AIG1: variants seen among roughly 807,000 people sequenced by gnomAD.
AIG1 encodes androgen-induced gene 1 protein.
Under a neutral mutation model 31.4 loss-of-function variants are expected in AIG1, and 23 were observed. The observed-to-expected ratio is 0.73, with a 90% CI of 0.53 to 1.04. AIG1 has a LOEUF of 1.04. AIG1 is among the 50% of genes least tolerant of loss of function. The pLI, the probability that AIG1 is intolerant of heterozygous loss-of-function variation, is 0.00. For synonymous variants in AIG1, 100 were observed against 110.5 expected, an observed-to-expected ratio of 0.90 and a Z score of 0.60; for missense variants, 274 against 295.0, an observed-to-expected ratio of 0.93 and a Z score of 0.52.
intron 1 of AIG1, among the ~76,000 whole-genome samples, chr6:143,097,121 A>G (rs1366298890): frequency 6.6e-6 from 1 of 152,122 alleles, no homozygotes; most frequent in Non-Finnish European, 1.5e-5. Flanking sequence ...TAGCCCTGTA[A>G]CAGCAGACTT....
intron 1 of AIG1, among the ~76,000 whole-genome samples, chr6:143,122,708 A>T (rs1165508981): frequency 6.6e-6 from 1 of 152,110 alleles, no homozygotes; most frequent in East Asian, 1.9e-4. Flanking sequence ...CCTCAAATCC[A>T]CTGAGTTTTA....
chr6:143,182,819 T>C (rs1194489727), intron 3 of AIG1, among the ~76,000 whole-genome samples: 1 of 152,254 alleles, frequency 6.6e-6, no homozygotes, highest in African/African-American at 2.4e-5. Context: ...ATCATCCTTA[T>C]CAATATATGT....
At chr6:143,148,819 CAA>C (rs751168065) in intron 2 of AIG1, among the ~76,000 whole-genome samples, 5 of 138,144 alleles carry the variant, frequency 3.6e-5, no homozygotes, top group South Asian at 2.3e-4. Flanking sequence ...ACTATGTCTC[CAA>C]AAAAAAAAAG....
chr6:143,229,283 A>G (rs2128630357), intron 3 of AIG1, among the ~76,000 whole-genome samples: 1 of 152,380 alleles, frequency 6.6e-6, no homozygotes, highest in Non-Finnish European at 1.5e-5. Context: ...ACACTACCTT[A>G]GTGTGTAATT....
chr6:143,199,287 G>T (rs28525292), intron 3 of AIG1, among the ~76,000 whole-genome samples: 1 of 152,038 alleles, frequency 6.6e-6, no homozygotes, highest in South Asian at 2.1e-4. Context: ...ACCTCATCTG[G>T]TAGAGACATT....
chr6:143,177,094 C>G (rs1468836684), intron 3 of AIG1, among the ~76,000 whole-genome samples: 1 of 152,176 alleles, frequency 6.6e-6, no homozygotes, highest in South Asian at 2.1e-4. Context: ...TTGAAGTTCT[C>G]AATTTTATTT....
At chr6:143,260,968 G>GT (rs1795735602) in intron 3 of AIG1, among the ~76,000 whole-genome samples, 1 of 152,108 alleles carries the variant, frequency 6.6e-6, no homozygotes, top group East Asian at 1.9e-4. Context: ...TTTCTCTTTG[G>GT]TTTCAGCTCT....
chr6:143,308,173 C>A (rs1799492822), intron 4 of AIG1, among the ~76,000 whole-genome samples: 1 of 152,244 alleles, frequency 6.6e-6, no homozygotes, highest in Non-Finnish European at 1.5e-5. Context: ...TGAGGCAATG[C>A]CTCGCCCTGC....
chr6:143,327,581 C>T lies in AIG1; in HGVS notation c.516-5701C>T, dbSNP rs577747853. ...TGAGGATGAAGATTCACCAAATAAG[C>T]TCTATACTTCAGTTACCTATGTACC... On this transcript the variant is annotated intron_variant, in intron 4 of 5. Transcript: ENST00000357847. The surrounding 1 kb of genome is among the most constrained non-coding windows in gnomAD (Gnocchi z 5.3). 1 of 368,296 alleles carries T rather than the reference C, an allele frequency of 2.7e-6. No individual in the cohort carries two copies. The allele number at this position is 368,296 out of a possible 1,614,324, so 22.8% of individuals were successfully genotyped here. A position where few individuals can be genotyped will look rare whatever the true frequency, so the allele number is the denominator to read the frequency against.
chr6:143,084,042 C>G (rs1427073787), intron 1 of AIG1, among the ~76,000 whole-genome samples: 2 of 152,144 alleles, frequency 1.3e-5, no homozygotes, highest in Non-Finnish European at 2.9e-5. Context: ...GTCATAGGAC[C>G]CCTCAGATAG....
At chr6:143,145,525 T>C (rs1784629132) in intron 2 of AIG1, among the ~76,000 whole-genome samples, 1 of 149,652 alleles carries the variant, frequency 6.7e-6, no homozygotes, top group South Asian at 2.3e-4. Context: ...CTTCATCAGG[T>C]GAAGAGATTA....
intron 3 of AIG1, among the ~76,000 whole-genome samples, chr6:143,261,206 A>G (rs890875438): frequency 2.0e-5 from 3 of 151,996 alleles, no homozygotes; most frequent in African/African-American, 7.2e-5. Flanking sequence ...ATCTCAGCTC[A>G]CTGCAATCTC....
intron 2 of AIG1, among the ~76,000 whole-genome samples, chr6:143,154,586 C>T (rs1253186208): frequency 2.0e-5 from 3 of 152,148 alleles, no homozygotes; most frequent in Admixed American, 1.3e-4. Context: ...GTATCTCGAG[C>T]AGGCAGTCGT....
chr6:143,306,262 G>T (rs1365520916), intron 4 of AIG1, among the ~76,000 whole-genome samples: 1 of 151,986 alleles, frequency 6.6e-6, no homozygotes, highest in Non-Finnish European at 1.5e-5. Flanking sequence ...ATTTGATCCT[G>T]TCATTTTGAT....
intron 3 of AIG1, among the ~76,000 whole-genome samples, chr6:143,275,998 G>A (rs770058437): frequency 6.6e-6 from 1 of 152,188 alleles, no homozygotes; most frequent in Non-Finnish European, 1.5e-5. Flanking sequence ...AGCTGAAAAG[G>A]AAAGAGAAAA....
At chr6:143,214,130 G>A (rs535106366) in intron 3 of AIG1, among the ~76,000 whole-genome samples, 1 of 152,298 alleles carries the variant, frequency 6.6e-6, no homozygotes, top group East Asian at 1.9e-4. Flanking sequence ...TAAAGTAACA[G>A]AAGGGAAATG....
intron 1 of AIG1, among the ~76,000 whole-genome samples, chr6:143,133,785 G>A (rs1023687539): frequency 2.6e-5 from 4 of 152,042 alleles, no homozygotes; most frequent in African/African-American, 4.8e-5. Flanking sequence ...GGAGGGTATC[G>A]CAATAGCTTT....
At chr6:143,188,576 T>C in intron 3 of AIG1, 1 of 985,346 alleles carries the variant, frequency 1.0e-6, no homozygotes, top group Non-Finnish European at 1.2e-6. Context: ...AGCAGAAGAT[T>C]TCAGGGTACA....
chr6:143,238,628 T>G (rs1793995127), intron 3 of AIG1, among the ~76,000 whole-genome samples: 1 of 152,190 alleles, frequency 6.6e-6, no homozygotes, highest in Non-Finnish European at 1.5e-5. Context: ...AGAAAGTGAA[T>G]AGACAATTAA....
Sources: gnomAD v4.1 joint callset for allele counts (sites outside exome capture counted in the v4.1 genomes callset) on GRCh38, gnomAD v4.1.1 for gene constraint, Gnocchi (gnomAD v3.1) non-coding constraint, MANE v1.5 for transcripts, NCBI Gene and HGNC (gene_info 2026-07-23, HGNC 2026-07-21) for gene names.